IBSP: variants seen among roughly 807,000 people sequenced by gnomAD.
The protein encoded by IBSP is integrin binding sialoprotein, also known as integrin-binding sialoprotein.
In IBSP, 19 loss-of-function variants were observed where a neutral mutation model predicts 25.5. The ratio of observed to expected loss-of-function variants is 0.74; its 90% CI spans 0.52 to 1.09. The LOEUF (loss-of-function observed/expected upper bound fraction) is 1.09. Among genes scored for constraint, IBSP ranks in the 50% least tolerant of loss-of-function variants. The pLI is 0.00. For synonymous variants in IBSP, 144 were observed against 137.6 expected (o/e 1.05, Z -0.33); for missense variants, 360 against 382.3 (o/e 0.94, Z 0.49).
rs1369117120 is a variant in IBSP at position 87,811,535 on chromosome 4, C to T, written c.579C>T (p.Ser193=). The stretch of plus-strand genomic sequence containing the variant: ...AGGCAGAAAACGGCAACGGCAGCAG[C>T]GGAGGAGACAATGGAGAAGAAGGGG... ...STEAENGNGS[S]GGDNGEEGEE... The change falls in exon 7 of 7, where the codon AGC becomes AGT. Residue 193 remains serine (S), a synonymous_variant. Transcript: ENST00000226284. The T allele has an allele frequency of 1.2e-6, 2 of 1,613,832 alleles. No individual in the cohort carries two copies. Among genetic ancestry groups the T allele is most frequent in the African/African-American group, 1.3e-5 (1 of 74,970 alleles).
chr4:87,809,197 T>C (rs748156799), intron 5 of IBSP, among the ~76,000 whole-genome samples: 1 of 152,198 alleles, frequency 6.6e-6, no homozygotes, highest in African/African-American at 2.4e-5. Context: ...CCAATAAAAT[T>C]TGTGAAGCCT....
chr4:87,812,161 T>A lies in IBSP; in HGVS notation c.*251T>A, dbSNP rs1722189159. 1 of 387,736 alleles carries A rather than the reference T, an allele frequency of 2.6e-6. No homozygotes were observed. Among genetic ancestry groups the A allele is most frequent in the African/African-American group, 2.1e-5 (1 of 48,238 alleles). 24.0% of individuals were successfully genotyped at this position (387,736 alleles called of 1,614,324 possible). ...CAGTACACCAACTCATAAGATCAAA[T>A]TTCATTGAATGGTTTGAGGTTGTAG... On this transcript the variant is annotated 3_prime_UTR_variant, in exon 7 of 7. Coordinates refer to ENST00000226284, the MANE Select transcript of IBSP (RefSeq NM_004967.4).
chr4:87,802,301 C>A, intron 1 of IBSP, 47 bp from the exon 2 acceptor site: 2 of 1,164,184 alleles, frequency 1.7e-6, no homozygotes, highest in Non-Finnish European at 1.2e-6. Flanking sequence ...AAAAGTTATG[C>A]TCTTAGTTTT....
rs1056336380 is a variant in IBSP, at chr4:87,807,137, G to A, written c.246+953G>A. On this transcript the variant is annotated intron_variant, in intron 5 of 6. Coordinates refer to ENST00000226284, the MANE Select transcript of IBSP (RefSeq NM_004967.4). ...GTCCTGGGCTAAGAATCATCTACAT[G>A]TCTTGGAAATTGTGCTACCATGTTT... Among the ~76,000 whole-genome samples the A allele has an allele frequency of 3.3e-5, 5 of 152,088 alleles. 1 individual carries two copies. Among genetic ancestry groups the A allele is most frequent in the Admixed American group, 3.3e-4 (5 of 15,260 alleles).
In IBSP at chr4:87,802,357, C is replaced by T. The variant is rs376698067; in HGVS notation, c.-5C>T. On this transcript the variant is annotated 5_prime_UTR_variant, in exon 2 of 7. Coordinates refer to ENST00000226284, the MANE Select transcript of IBSP (RefSeq NM_004967.4). Reference sequence around the variant, plus strand: ...ACTTCATTAATTCCAGAAGCAATCACCAAAATGAAGACTGCTTTAATTTTG... The same window carrying T: ...ACTTCATTAATTCCAGAAGCAATCATCAAAATGAAGACTGCTTTAATTTTG... 3.7e-6 allele frequency: 6 copies of T among 1,604,848 alleles called. No homozygotes were observed. The highest frequency in any genetic ancestry group is 2.7e-5 in the African/African-American group (2 of 74,612).
At position 87,811,630 on chromosome 4, in the gene IBSP, C is replaced by T. The variant is rs767801381; in HGVS notation, c.674C>T (p.Ser225Leu). 1 of 1,613,648 alleles carries T rather than the reference C, an allele frequency of 6.2e-7. No homozygotes were observed. The highest frequency in any genetic ancestry group is 8.5e-7 in the Non-Finnish European group (1 of 1,179,932). Residue 225 changes from serine to leucine, a missense_variant, in exon 7 of 7, where the codon TCG becomes TTG. Coordinates refer to ENST00000226284, the MANE Select transcript of IBSP (RefSeq NM_004967.4). Reference protein sequence around the residue: ...TETGRQGKGTSKTTTSPNGGF... With the variant: ...TETGRQGKGTLKTTTSPNGGF... ...ACCGGAAGGCAGGGCAAGGGCACCT[C>T]GAAGACAACAACCTCTCCAAATGGT... is the stretch of plus-strand genomic sequence containing the variant.
At chr4:87,804,652 T>C (rs1314292797) in intron 4 of IBSP, among the ~76,000 whole-genome samples, 1 of 152,220 alleles carries the variant, frequency 6.6e-6, no homozygotes, top group Non-Finnish European at 1.5e-5. Flanking sequence ...CTTTCATCTA[T>C]CTGTGTAGAC....
intron 5 of IBSP, among the ~76,000 whole-genome samples, chr4:87,806,498 A>G (rs1722091284): frequency 6.6e-6 from 1 of 152,210 alleles, no homozygotes; most frequent in Non-Finnish European, 1.5e-5. Context: ...ATAAAAAGTA[A>G]CAGATAGCAT....
chr4:87,803,753 C>T (rs1421746372), intron 4 of IBSP, among the ~76,000 whole-genome samples: 2 of 152,156 alleles, frequency 1.3e-5, no homozygotes, highest in Admixed American at 6.6e-5. Context: ...AAAATATGAG[C>T]ATGAATGAAA....
Position 87,806,081 on chromosome 4 carries a change from T to A in IBSP, c.184-41T>A, listed in dbSNP as rs149676440. The A allele has an allele frequency of 2.5e-4, 358 of 1,431,044 alleles. 1 individual carries two copies. In the African/African-American group the frequency reaches 4.4e-3, roughly 18 times the overall value. 88.6% of individuals were successfully genotyped at this position (1,431,044 alleles called of 1,614,324 possible). A position where few individuals can be genotyped will look rare whatever the true frequency, so the allele number is the denominator to read the frequency against. On this transcript the variant is annotated intron_variant, in intron 4 of 6. Transcript: ENST00000226284. ...TTTAAATTGCTGTTGAATATATTTG[T>A]ACACAGATAAGAGTATACATACATG... is the stretch of plus-strand genomic sequence containing the variant.
intron 1 of IBSP, among the ~76,000 whole-genome samples, chr4:87,800,484 A>G (rs1342622435): frequency 6.6e-6 from 1 of 152,204 alleles, no homozygotes; most frequent in Non-Finnish European, 1.5e-5. Flanking sequence ...TGGCAAAGCA[A>G]TAATCTTTCT....
chr4:87,804,269 G>C (rs1289373721), intron 4 of IBSP, among the ~76,000 whole-genome samples: 1 of 152,048 alleles, frequency 6.6e-6, no homozygotes, highest in Non-Finnish European at 1.5e-5. Context: ...GGTGTTTAGT[G>C]CCCATGTTGT....
In IBSP at chr4:87,804,549, AG is replaced by A. The variant is rs1171447990; in HGVS notation, c.184-1571del. ...ATATTTTATTAGTTGAACTCATAGA[AG>A]GTAAGAATTTAATCTTATATTTCCT... On this transcript the variant is annotated intron_variant, in intron 4 of 6. Transcript: ENST00000226284. 1.3e-5 allele frequency among the ~76,000 whole-genome samples: 2 copies of A among 152,206 alleles called. 1 individual carries two copies. Among genetic ancestry groups the A allele is most frequent in the South Asian group, 4.1e-4 (2 of 4,826 alleles).
intron 4 of IBSP, 44 bp downstream of exon 4, chr4:87,802,775 A>T: frequency 7.9e-7 from 1 of 1,273,638 alleles, no homozygotes; most frequent in Non-Finnish European, 1.1e-6. Flanking sequence ...TTTCTATTAT[A>T]ATTTAAAGGA....
Position 87,806,159 on chromosome 4 carries a change from G to A in IBSP, c.221G>A (p.Ser74Asn). 1 of 1,611,898 alleles carries A rather than the reference G, an allele frequency of 6.2e-7. No individual in the cohort carries two copies. Among genetic ancestry groups the A allele is most frequent in the Non-Finnish European group, 8.5e-7 (1 of 1,179,224 alleles). ...SDSSEENGDDSSEEEEEEEET... is the reference protein window; with the variant it reads ...SDSSEENGDDNSEEEEEEEET... ...TCATCCGAAGAAAATGGAGATGACA[G>A]TTCAGAAGAGGAGGAGGAAGAAGAG... Residue 74 changes from serine (S) to asparagine (N), a missense_variant, in exon 5 of 7, where the codon AGT (serine) becomes AAT (asparagine). Physicochemically the swap from Ser to Asn is conservative, Grantham distance 46. Transcript: ENST00000226284.
rs1468550490 is a variant in IBSP, at chr4:87,812,325, T to C, written c.*415T>C. ...TAAATGTGTAGTTTCTTAATCGCACTACCTATGCAACACTGTGTATTAGGT... is the reference window on the plus strand; with the variant it reads ...TAAATGTGTAGTTTCTTAATCGCACCACCTATGCAACACTGTGTATTAGGT... On this transcript the variant is annotated 3_prime_UTR_variant, in exon 7 of 7. Transcript: ENST00000226284. The C allele has an allele frequency of 6.3e-6, 1 of 159,676 alleles. No homozygotes were observed. The highest frequency in any genetic ancestry group is 1.4e-5 in the Non-Finnish European group (1 of 73,496). The allele number at this position is 159,676 out of a possible 1,614,324, so 9.9% of individuals were successfully genotyped here.
At chr4:87,802,040 T>C (rs145620120) in intron 1 of IBSP, among the ~76,000 whole-genome samples, 10 of 152,300 alleles carry the variant, frequency 6.6e-5, no homozygotes, top group African/African-American at 1.9e-4. Context: ...ATTACGCCAG[T>C]GTGAAGTACC....
intron 1 of IBSP, among the ~76,000 whole-genome samples, chr4:87,800,870 G>A (rs552064457): frequency 1.3e-5 from 2 of 152,210 alleles, no homozygotes; most frequent in East Asian, 1.9e-4. Flanking sequence ...ATGTATTCAT[G>A]GGAAATTGCC....
chr4:87,810,330 G>A (rs1321882467), intron 5 of IBSP, among the ~76,000 whole-genome samples: 1 of 152,160 alleles, frequency 6.6e-6, no homozygotes, highest in Non-Finnish European at 1.5e-5. Context: ...TGTGTCAAAT[G>A]CCTGAAACAC....
Sources: allele counts gnomAD v4.1 joint callset (sites outside exome capture counted in the v4.1 genomes callset), GRCh38; gene constraint gnomAD v4.1.1; transcripts MANE v1.5; gene names NCBI Gene and HGNC (gene_info 2026-07-23, HGNC 2026-07-21).